The following SETX variants were observed in gnomAD, a reference collection of about 807,000 sequenced individuals.
The protein encoded by SETX is senataxin.
SETX carries 90 observed loss-of-function variants against 227.2 expected under a neutral mutation model. The ratio of observed to expected loss-of-function variants is 0.40; its 90% CI spans 0.33 to 0.47. The LOEUF is 0.47. Ranked by LOEUF, SETX falls within the 20% of genes least tolerant of loss-of-function variation. The probability of loss-of-function intolerance (pLI) is 0.91; values close to 1 mark genes in which losing one functional copy is unlikely to be tolerated. For missense variants in SETX, 3,052 were observed against 3,181.5 expected, an observed-to-expected ratio of 0.96 and a Z score of 0.98; for synonymous variants, 1,210 against 1,113.2, an observed-to-expected ratio of 1.09 and a Z score of -1.73.
chr9:132,280,967 T>C (rs942683677), intron 20 of SETX, among the ~76,000 whole-genome samples: 1 of 152,212 alleles, frequency 6.6e-6, no homozygotes, highest in Non-Finnish European at 1.5e-5. Flanking sequence ...CATGTTCTTG[T>C]ATTAACACTA....
At chr9:132,322,829 T>A (rs13287004) in intron 10 of SETX, among the ~76,000 whole-genome samples, 112,756 of 145,204 alleles carry the variant, frequency 0.78, 43,249 homozygotes, top group Non-Finnish European at 0.85. Context: ...AACTTTTAGC[T>A]AACTTTAAAA....
chr9:132,301,163 G>A (rs561151479), intron 11 of SETX, among the ~76,000 whole-genome samples: 13 of 150,034 alleles, frequency 8.7e-5, no homozygotes, highest in African/African-American at 3.2e-4. Flanking sequence ...CGCGATCTCG[G>A]GTCACTGCAA....
chr9:132,333,651 T>C (rs1040535762), intron 7 of SETX, among the ~76,000 whole-genome samples: 2 of 152,056 alleles, frequency 1.3e-5, no homozygotes, highest in Non-Finnish European at 2.9e-5. Flanking sequence ...CTTATTTAAT[T>C]ACAGATCCTT....
chr9:132,326,212 G>A, intron 10 of SETX, 112 bp downstream of exon 10: 1 of 817,846 alleles, frequency 1.2e-6, no homozygotes, highest in Non-Finnish European at 2.0e-6. Context: ...GATTACAGGT[G>A]CCCGCAACCA....
At chr9:132,355,673 T>C (rs1848872369), upstream of SETX, among the ~76,000 whole-genome samples, 1 of 151,380 alleles carries the variant, frequency 6.6e-6, no homozygotes, top group Admixed American at 6.6e-5. Context: ...GACACCCGTA[T>C]GTACAAAAAA....
At position 132,330,110 on chromosome 9, in the gene SETX, A is replaced by G. The variant is rs775808123; in HGVS notation, c.1488T>C (p.Pro496=). 1 of 1,613,974 alleles carries G rather than the reference A, an allele frequency of 6.2e-7. No individual in the cohort carries two copies. The highest frequency in any genetic ancestry group is 8.5e-7 in the Non-Finnish European group (1 of 1,179,806). ...VEAVVKCAKL[P]TTAFTRSSEK... ...CAGAACTCCGTGTAAACGCAGTGGT[A>G]GGAAGCTTGGCACATTTGACGACGG... Residue 496 remains proline (P), a synonymous_variant, in exon 10 of 26, where the codon CCT becomes CCC. Transcript: ENST00000224140.
intron 14 of SETX, 58 bp from the exon 15 acceptor site, chr9:132,296,086 A>G (rs1164805311): frequency 3.1e-6 from 5 of 1,589,166 alleles, no homozygotes; most frequent in African/African-American, 1.3e-5. Flanking sequence ...GGTGAGCTCT[A>G]TTACATAGCT....
chr9:132,288,302 A>T lies in SETX; in HGVS notation c.6258T>A (p.Phe2086Leu). The change falls in exon 17 of 26, where the codon TTT becomes TTA. Residue 2086 changes from phenylalanine to leucine, a missense_variant. Transcript: ENST00000224140. Reference protein sequence around the residue: ...HVQAMHKRKEFLDYQLDELSR... With the variant: ...HVQAMHKRKELLDYQLDELSR... ...AAAGCTCATCCAGCTGATAATCTAG[A>T]AATTCCTTTCTTTTATGCATCGCCT... is the stretch of plus-strand genomic sequence containing the variant. 1.9e-6 allele frequency: 3 copies of T among 1,614,230 alleles called. No individual in the cohort carries two copies. Among genetic ancestry groups the T allele is most frequent in the Non-Finnish European group, 2.5e-6 (3 of 1,180,034 alleles).
At position 132,349,357 on chromosome 9, in the gene SETX, G is replaced by C. The variant is rs1848481750; in HGVS notation, c.72C>G (p.Asn24Lys). The change falls in exon 3 of 26, where the codon AAC becomes AAG. Residue 24 changes from asparagine to lysine, a missense_variant. Asn to Lys is a moderately conservative substitution (Grantham distance 94, BLOSUM62 0). Coordinates refer to ENST00000224140, the MANE Select transcript of SETX (RefSeq NM_015046.7). Reference sequence around the variant, plus strand: ...CTGTTTGAAATTCACCGGACGGAGTGTTGGAAGCATAGCGCTTTAGGAAGT... The same window carrying C: ...CTGTTTGAAATTCACCGGACGGAGTCTTGGAAGCATAGCGCTTTAGGAAGT... ...TIDFLKRYAS[N>K]TPSGEFQTAD... 1 of 1,614,164 alleles carries C rather than the reference G, an allele frequency of 6.2e-7. No individual in the cohort carries two copies. Among genetic ancestry groups the C allele is most frequent in the East Asian group, 2.2e-5 (1 of 44,878 alleles).
At chr9:132,271,921 C>T (rs1210756894) in intron 23 of SETX, 113 bp from the exon 24 acceptor site, 14 of 859,696 alleles carry the variant, frequency 1.6e-5, no homozygotes, top group East Asian at 6.1e-5. Flanking sequence ...CTCACTCTGT[C>T]GCCCAGGCTG....
intron 18 of SETX, among the ~76,000 whole-genome samples, chr9:132,285,379 ATGT>A (rs983610949): frequency 1.2e-4 from 18 of 152,342 alleles, no homozygotes; most frequent in Admixed American, 3.3e-4. Context: ...AAAAATGCAA[ATGT>A]TGTTACACCA....
At chr9:132,294,816 T>C (rs571466882) in intron 15 of SETX, among the ~76,000 whole-genome samples, 57 of 152,332 alleles carry the variant, frequency 3.7e-4, no homozygotes, top group African/African-American at 1.3e-3. Flanking sequence ...AGATGGAGGC[T>C]GGGTCTCCAA....
chr9:132,340,092 A>T (rs2131526479), intron 5 of SETX, among the ~76,000 whole-genome samples: 1 of 152,044 alleles, frequency 6.6e-6, no homozygotes, highest in Middle Eastern at 3.4e-3. Flanking sequence ...ACAGTCACTC[A>T]TTCTCTTGGC....
In SETX at chr9:132,349,187, G is replaced by A. The variant is rs889107724; in HGVS notation, c.177+65C>T. On this transcript the variant is annotated intron_variant, in intron 3 of 25. Coordinates refer to ENST00000224140, the MANE Select transcript of SETX (RefSeq NM_015046.7). ...CATTTCTCTGAATACTTCCAACGGA[G>A]TTCAAACTTACTCTCTTCCCAGCTA... 15 of 1,471,454 alleles carry A rather than the reference G, an allele frequency of 1.0e-5. No homozygotes were observed. The Admixed American group carries it at 2.3e-4, about 23-fold the overall frequency. The allele number at this position is 1,471,454 out of a possible 1,614,324, so 91.1% of individuals were successfully genotyped here.
At chr9:132,297,960 C>T (rs1470311680) in intron 13 of SETX, 120 bp downstream of exon 13, 11 of 856,980 alleles carry the variant, frequency 1.3e-5, no homozygotes, top group South Asian at 3.0e-5. Context: ...AAAACTAACA[C>T]TAAACTGTTC....
At chr9:132,307,075 C>T (rs1845377374) in intron 11 of SETX, among the ~76,000 whole-genome samples, 1 of 152,250 alleles carries the variant, frequency 6.6e-6, no homozygotes, top group South Asian at 2.1e-4. Flanking sequence ...GCCAACATGG[C>T]AAAGCCCAGT....
chr9:132,346,274 T>C lies in SETX; in HGVS notation c.375A>G (p.Leu125=). The change falls in exon 4 of 26, where the codon CTA becomes CTG. Residue 125 remains leucine, a synonymous_variant. Coordinates refer to ENST00000224140, the MANE Select transcript of SETX (RefSeq NM_015046.7). ...LEILKYPYLL[L]HERVNELCVE... ...CAAGATACTCACTAACACGTTCATG[T>C]AGAAGCAAGTAAGGATATTTCAGTA... The C allele has an allele frequency of 6.2e-7, 1 of 1,613,364 alleles. No homozygotes were observed. Among genetic ancestry groups the C allele is most frequent in the Non-Finnish European group, 8.5e-7 (1 of 1,179,392 alleles).
At chr9:132,352,518 G>C (rs548230146) in intron 2 of SETX, among the ~76,000 whole-genome samples, 81 of 152,256 alleles carry the variant, frequency 5.3e-4, no homozygotes, top group African/African-American at 1.9e-3. Flanking sequence ...CTGGGAGGCC[G>C]AGGCGTGAGG....
At chr9:132,275,129 G>T in intron 23 of SETX, 127 bp downstream of exon 23, 6 of 989,900 alleles carry the variant, frequency 6.1e-6, no homozygotes, top group Non-Finnish European at 9.5e-6. Flanking sequence ...CAGCATCCCA[G>T]CTTCCTCGTG....
Sources: gnomAD v4.1 joint callset for allele counts (sites outside exome capture counted in the v4.1 genomes callset) on GRCh38, gnomAD v4.1.1 for gene constraint, MANE v1.5 for transcripts, NCBI Gene and HGNC (gene_info 2026-07-23, HGNC 2026-07-21) for gene names.